The following CNTLN variants were observed in gnomAD, a reference collection of about 807,000 sequenced individuals.
CNTLN encodes the protein centlein, centrosomal protein.
CNTLN carries 212 observed loss-of-function variants against 180.0 expected under a neutral mutation model. That is an observed-to-expected ratio of 1.18 (90% CI 1.05 to 1.32). CNTLN has a LOEUF of 1.32. Among genes scored for constraint, CNTLN ranks in the 40% most tolerant of loss-of-function variants. CNTLN has a pLI of 0.00. For missense variants in CNTLN, 2,095 were observed against 1,610.9 expected, an observed-to-expected ratio of 1.30 and a Z score of -5.14; for synonymous variants, 722 against 563.1, an observed-to-expected ratio of 1.28 and a Z score of -3.99.
chr9:17,177,762 A>T (rs1164345206), intron 2 of CNTLN, among the ~76,000 whole-genome samples: 1 of 152,136 alleles, frequency 6.6e-6, no homozygotes, highest in Non-Finnish European at 1.5e-5. Context: ...GTTACAGCTC[A>T]TAAAGGCAGT....
At chr9:17,295,310 C>A (rs559646839) in intron 6 of CNTLN, among the ~76,000 whole-genome samples, 1 of 152,290 alleles carries the variant, frequency 6.6e-6, no homozygotes, top group African/African-American at 2.4e-5. Context: ...GCTGCTCAAG[C>A]GCCGCCAGAG....
chr9:17,515,650 C>T, the CNTLN span, among the ~76,000 whole-genome samples: 57 of 152,234 alleles, frequency 3.7e-4, no homozygotes, highest in South Asian at 8.3e-4. Context: ...ACTCATACTC[C>T]CTTCAATGTA....
rs998027370 is a variant in CNTLN, at chr9:17,227,760, T to C, written c.534+1473T>C. ...TTTGAAATTTACACGTTTTCCAAAGTTGAGTTTTTCTTATAGAAAATGTCA... is the reference window on the plus strand; with the variant it reads ...TTTGAAATTTACACGTTTTCCAAAGCTGAGTTTTTCTTATAGAAAATGTCA... On this transcript the variant is annotated intron_variant, in intron 3 of 25. Transcript: ENST00000380647. Among the ~76,000 whole-genome samples the C allele has an allele frequency of 2.6e-5, 4 of 152,134 alleles. No individual in the cohort carries two copies. In the East Asian group the frequency reaches 7.7e-4, roughly 29 times the overall value.
At chr9:17,151,720 G>A (rs547975504) in intron 2 of CNTLN, among the ~76,000 whole-genome samples, 1 of 151,738 alleles carries the variant, frequency 6.6e-6, no homozygotes, top group Admixed American at 6.6e-5. Flanking sequence ...GTTTGGAATA[G>A]TTTCAGAAGG....
rs541684551 is a variant in CNTLN at position 17,441,137 on chromosome 9, T to C, written c.3115-16387T>C. 3.6e-4 allele frequency among the ~76,000 whole-genome samples: 55 copies of C among 152,332 alleles called. 1 individual carries two copies. The highest frequency in any genetic ancestry group is 1.3e-3 in the African/African-American group (52 of 41,588). ...GCAAAACTGTCTTCAAAAATGAAAG[T>C]GAAAGAGACTTTCCCAGACAAACAA... On this transcript the variant is annotated intron_variant, in intron 18 of 25. Transcript: ENST00000380647.
chr9:17,224,960 C>G (rs745883555), intron 2 of CNTLN, among the ~76,000 whole-genome samples: 3 of 151,832 alleles, frequency 2.0e-5, no homozygotes, highest in African/African-American at 4.8e-5. Context: ...ACTTCCTCCT[C>G]TTTCTCCACC....
the CNTLN span, among the ~76,000 whole-genome samples, chr9:17,513,520 ACCC>A: frequency 6.6e-6 from 1 of 151,978 alleles, no homozygotes; most frequent in Non-Finnish European, 1.5e-5. Flanking sequence ...AAATGGCGAA[ACCC>A]CTTCTGTACA....
chr9:17,414,075 C>G (rs893926066), intron 16 of CNTLN, among the ~76,000 whole-genome samples: 1 of 152,278 alleles, frequency 6.6e-6, no homozygotes, highest in Admixed American at 6.5e-5. Context: ...AGCTTTCTGA[C>G]CTGAAATTTC....
intron 25 of CNTLN, among the ~76,000 whole-genome samples, chr9:17,492,439 T>G (rs530822492): frequency 6.6e-6 from 1 of 152,238 alleles, no homozygotes; most frequent in Non-Finnish European, 1.5e-5. Context: ...AACAGCTAAT[T>G]CAATTGCTGT....
At chr9:17,466,981 T>A in intron 23 of CNTLN, 90 bp downstream of exon 23, 3 of 827,536 alleles carry the variant, frequency 3.6e-6, no homozygotes, top group Non-Finnish European at 5.6e-6. Flanking sequence ...ATAAAGTTTC[T>A]TTCTGCTTTC....
At chr9:17,463,068 C>A in intron 20 of CNTLN, 55 bp downstream of exon 20, 2 of 993,134 alleles carry the variant, frequency 2.0e-6, no homozygotes, top group African/African-American at 1.7e-5. Flanking sequence ...TGGCAACCAG[C>A]TCTATTAAAC....
chr9:17,178,282 A>G (rs111742356), intron 2 of CNTLN, among the ~76,000 whole-genome samples: 2,376 of 152,294 alleles, frequency 0.016, 64 homozygotes, highest in African/African-American at 0.053. Context: ...TGGTATATTT[A>G]CAATCCCTTA....
chr9:17,271,837 A>G (rs79703606), intron 5 of CNTLN, among the ~76,000 whole-genome samples: 1,699 of 152,262 alleles, frequency 0.011, 31 homozygotes, highest in African/African-American at 0.036. Context: ...ATTATTTTCA[A>G]TAATTTTTGA....
chr9:17,219,778 A>G (rs1209427237), intron 2 of CNTLN, among the ~76,000 whole-genome samples: 1 of 152,032 alleles, frequency 6.6e-6, no homozygotes, highest in Non-Finnish European at 1.5e-5. Context: ...ACAAACATTT[A>G]TTCTCATGGT....
Position 17,137,699 on chromosome 9 carries a change from A to G in CNTLN, c.360+2274A>G, listed in dbSNP as rs190128177. ...CACTGCTAATTAGTCCATGGTCATAAGTAGTAGCTTCATTTAATTTGTTTT... is the reference window on the plus strand; with the variant it reads ...CACTGCTAATTAGTCCATGGTCATAGGTAGTAGCTTCATTTAATTTGTTTT... On this transcript the variant is annotated intron_variant, in intron 1 of 25. Coordinates refer to ENST00000380647, the MANE Select transcript of CNTLN (RefSeq NM_017738.4). 5.1e-3 allele frequency among the ~76,000 whole-genome samples: 774 copies of G among 152,324 alleles called. 5 individuals are homozygous for G. The highest frequency in any genetic ancestry group is 8.0e-3 in the Admixed American group (122 of 15,298).
chr9:17,443,204 T>C (rs1409615781), intron 18 of CNTLN, among the ~76,000 whole-genome samples: 3 of 152,158 alleles, frequency 2.0e-5, no homozygotes, highest in East Asian at 1.9e-4. Context: ...GTTAAATATA[T>C]TAGAAATGAA....
chr9:17,165,709 T>C (rs1820024399), intron 2 of CNTLN, among the ~76,000 whole-genome samples: 1 of 152,228 alleles, frequency 6.6e-6, no homozygotes. Flanking sequence ...CAGGATTAGC[T>C]ATTATGAAAA....
intron 16 of CNTLN, among the ~76,000 whole-genome samples, chr9:17,413,892 CAA>C (rs1260135143): frequency 6.6e-6 from 1 of 151,986 alleles, no homozygotes; most frequent in Admixed American, 6.6e-5. Flanking sequence ...ATATGTTTAC[CAA>C]AAAAACTTGT....
chr9:17,283,871 A>C (rs190868566), intron 6 of CNTLN, among the ~76,000 whole-genome samples: 13 of 152,162 alleles, frequency 8.5e-5, no homozygotes, highest in African/African-American at 2.9e-4. Context: ...TGCTGTCTTT[A>C]GTTCTGTTTA....
Sources: gnomAD v4.1 joint callset for allele counts (sites outside exome capture counted in the v4.1 genomes callset) on GRCh38, gnomAD v4.1.1 for gene constraint, MANE v1.5 for transcripts, NCBI Gene and HGNC (gene_info 2026-07-23, HGNC 2026-07-21) for gene names.